The following GNAS-AS1 variants were observed in gnomAD, a reference collection of about 807,000 sequenced individuals.
GNAS-AS1 encodes the protein GNAS antisense RNA 1, also known as GNAS antisense RNA 1 (non-protein coding).
chr20:58,820,010 C>T (rs372169726), intron 4 of GNAS-AS1, among the ~76,000 whole-genome samples: 4 of 152,228 alleles, frequency 2.6e-5, no homozygotes, highest in Non-Finnish European at 2.9e-5. Flanking sequence ...CCTCTGCGGC[C>T]GTGCCATCTA....
chr20:58,846,941 T>C (rs2085962935), intron 2 of GNAS-AS1, among the ~76,000 whole-genome samples: 1 of 152,212 alleles, frequency 6.6e-6, no homozygotes, highest in Non-Finnish European at 1.5e-5. Flanking sequence ...ACCCCCACTT[T>C]TGCCTCTCTC....
chr20:58,850,064 AGCCAC>A (rs886307650), intron 1 of GNAS-AS1, among the ~76,000 whole-genome samples: 2 of 152,096 alleles, frequency 1.3e-5, no homozygotes, highest in Non-Finnish European at 2.9e-5. Context: ...GTGTTTACCC[AGCCAC>A]GCCCCATGTT....
At chr20:58,824,003 G>C in intron 4 of GNAS-AS1, 1 of 398,684 alleles carries the variant, frequency 2.5e-6, no homozygotes, top group Non-Finnish European at 4.4e-6. Flanking sequence ...CCCCCACAGG[G>C]AGATACAGAG....
exon 4 of GNAS-AS1, chr20:58,842,056 G>A: frequency 2.1e-6 from 1 of 480,666 alleles, no homozygotes; most frequent in Non-Finnish European, 3.3e-6. Flanking sequence ...GGCAGCCTTG[G>A]GGAGGGGAGG....
chr20:58,850,746 T>C, exon 1 of GNAS-AS1: 1 of 398,574 alleles, frequency 2.5e-6, no homozygotes. Context: ...ACCCCACCTC[T>C]CCCCCGAGGC....
intron 4 of GNAS-AS1, among the ~76,000 whole-genome samples, chr20:58,830,411 CCAT>C (rs1350039981): frequency 1.4e-5 from 1 of 69,114 alleles, no homozygotes. Context: ...TGCCACACCA[CCAT>C]CACCACCACC....
intron 2 of GNAS-AS1, among the ~76,000 whole-genome samples, chr20:58,845,646 T>A (rs1268788916): frequency 3.9e-5 from 6 of 152,206 alleles, no homozygotes; most frequent in African/African-American, 1.4e-4. Context: ...GTGGGGGGCA[T>A]AAATTTTTTA....
At position 58,841,631 on chromosome 20, in the gene GNAS-AS1, G is replaced by C; in HGVS notation, n.819+306C>G. 2 of 1,082,864 alleles carry C rather than the reference G, an allele frequency of 1.8e-6. No individual in the cohort carries two copies. Among genetic ancestry groups the C allele is most frequent in the African/African-American group, 1.6e-5 (1 of 60,924 alleles). The allele number at this position is 1,082,864 out of a possible 1,614,324, so 67.1% of individuals were successfully genotyped here. A position where few individuals can be genotyped will look rare whatever the true frequency, so the allele number is the denominator to read the frequency against. On this transcript the variant is annotated intron_variant and non_coding_transcript_variant, in intron 4 of 4. Transcript: ENST00000424094. The surrounding 1 kb of genome is among the most constrained non-coding windows in gnomAD (Gnocchi z 5.0). ...GCACCTGCCCGCGCGCGCCGGAGCT[G>C]ACCTCTCCCGGCGGCGGGCGGTTAG...
chr20:58,824,142 G>T, intron 4 of GNAS-AS1: 1 of 398,578 alleles, frequency 2.5e-6, no homozygotes. Flanking sequence ...GAAGAACCCA[G>T]TCTACTGTCC....
chr20:58,845,472 C>T (rs2085909816), intron 2 of GNAS-AS1, among the ~76,000 whole-genome samples: 1 of 152,184 alleles, frequency 6.6e-6, no homozygotes, highest in Non-Finnish European at 1.5e-5. Context: ...CTTGTTTGCG[C>T]ACCGCATCCC....
At chr20:58,845,013 G>C (rs528989258) in intron 2 of GNAS-AS1, among the ~76,000 whole-genome samples, 1 of 144,388 alleles carries the variant, frequency 6.9e-6, no homozygotes, top group Non-Finnish European at 1.5e-5. Flanking sequence ...CATCCTGAGA[G>C]TCGTATTTAG....
chr20:58,825,591 G>A (rs1413080721), intron 4 of GNAS-AS1, among the ~76,000 whole-genome samples: 1 of 152,248 alleles, frequency 6.6e-6, no homozygotes. Context: ...AGAGAGAAGT[G>A]TGAAGTGCAG....
chr20:58,844,426 A>G (rs1250240176), intron 2 of GNAS-AS1, among the ~76,000 whole-genome samples: 1 of 152,158 alleles, frequency 6.6e-6, no homozygotes, highest in Non-Finnish European at 1.5e-5. Context: ...GGGTTTTGAC[A>G]CTAATGACTC....
intron 2 of GNAS-AS1, among the ~76,000 whole-genome samples, chr20:58,844,874 C>A (rs1457326746): frequency 2.0e-5 from 3 of 152,076 alleles, no homozygotes; most frequent in Non-Finnish European, 2.9e-5. Context: ...AGGAAGAAAT[C>A]TGTTTTGTGT....
chr20:58,824,508 C>A (rs1281272801), intron 4 of GNAS-AS1, among the ~76,000 whole-genome samples: 1 of 152,200 alleles, frequency 6.6e-6, no homozygotes, highest in Non-Finnish European at 1.5e-5. Context: ...GGCCCACCCC[C>A]AAATGCCCTG....
rs149212821 is a variant in GNAS-AS1 at position 58,836,781 on chromosome 20, C to A, written n.819+5156G>T. Among the ~76,000 whole-genome samples, 1,251 of 152,314 alleles carry A rather than the reference C, an allele frequency of 8.2e-3. 11 individuals carry two copies. The highest frequency in any genetic ancestry group is 0.014 in the Non-Finnish European group (921 of 68,038). ...ATGGAATGGCATCTCAGTGCAGTCC[C>A]CCACTCCTTCCTCCCAGAGCCTGTG... On this transcript the variant is annotated intron_variant and non_coding_transcript_variant, in intron 4 of 4. Transcript: ENST00000424094.
At chr20:58,843,606 T>C (rs1276375098) in intron 2 of GNAS-AS1, among the ~76,000 whole-genome samples, 1 of 152,194 alleles carries the variant, frequency 6.6e-6, no homozygotes, top group Non-Finnish European at 1.5e-5. Flanking sequence ...GTGAACCACA[T>C]AGGTGAATTA....
chr20:58,839,067 C>T, intron 4 of GNAS-AS1: 1 of 398,568 alleles, frequency 2.5e-6, no homozygotes, highest in Non-Finnish European at 4.4e-6. Flanking sequence ...CCCATGCTCT[C>T]AGCTCCAGTC....
At chr20:58,829,622 A>G (rs549273884) in intron 4 of GNAS-AS1, among the ~76,000 whole-genome samples, 1 of 152,052 alleles carries the variant, frequency 6.6e-6, no homozygotes, top group Non-Finnish European at 1.5e-5. Flanking sequence ...GAACTGCACC[A>G]CCCTCTGGCT....
Sources: gnomAD v4.1 joint callset for allele counts (sites outside exome capture counted in the v4.1 genomes callset) on GRCh38, gnomAD v4.1.1 for gene constraint, Gnocchi (gnomAD v3.1) non-coding constraint, MANE v1.5 for transcripts, NCBI Gene and HGNC (gene_info 2026-07-23, HGNC 2026-07-21) for gene names.